Variants in AATF observed in about 807,000 individuals in gnomAD.
AATF encodes the protein apoptosis antagonizing transcription factor.
A neutral mutation model predicts 63.7 loss-of-function variants in AATF; 48 were observed. The ratio of observed to expected loss-of-function variants is 0.75; its 90% CI spans 0.60 to 0.96. The LOEUF is 0.96. Among genes scored for constraint, AATF ranks in the 40% least tolerant of loss-of-function variants. AATF has a pLI of 0.00. For missense variants in AATF, 639 were observed against 685.7 expected, an observed-to-expected ratio of 0.93 and a Z score of 0.76; for synonymous variants, 258 against 247.7, an observed-to-expected ratio of 1.04 and a Z score of -0.39.
intron 8 of AATF, among the ~76,000 whole-genome samples, chr17:36,994,872 C>G (rs569564671): frequency 4.9e-4 from 74 of 152,048 alleles, no homozygotes; most frequent in Non-Finnish European, 9.1e-4. Flanking sequence ...CGTGCCAGTC[C>G]CTGGACTAAG....
chr17:36,988,651 A>G lies in AATF; in HGVS notation c.1080A>G (p.Thr360=). The change falls in exon 6 of 12, where the codon ACA becomes ACG. Residue 360 remains threonine (T), a synonymous_variant. Coordinates refer to ENST00000619387, the MANE Select transcript of AATF (RefSeq NM_012138.4). ...TGGCAAAGCGCTTTGCCGACTTTAC[A>G]GTCTACAGGAACCGCACACTTCAGA... is the stretch of plus-strand genomic sequence containing the variant. ...SFMAKRFADF[T]VYRNRTLQKW... 5.0e-6 allele frequency: 8 copies of G among 1,614,176 alleles called. No individual in the cohort carries two copies. The highest frequency in any genetic ancestry group is 2.2e-5 in the South Asian group (2 of 91,084).
intron 10 of AATF, among the ~76,000 whole-genome samples, chr17:37,029,124 G>A (rs535191249): frequency 8.5e-5 from 13 of 152,072 alleles, no homozygotes; most frequent in African/African-American, 2.7e-4. Flanking sequence ...AGCCCAGACC[G>A]GAGGGCTCAC....
chr17:36,982,163 A>G (rs2071130402), intron 4 of AATF, among the ~76,000 whole-genome samples: 1 of 150,178 alleles, frequency 6.7e-6, no homozygotes, highest in East Asian at 1.9e-4. Flanking sequence ...ATGTTGCAGC[A>G]TGTCAGAATT....
chr17:37,047,841 C>T (rs966256154), intron 11 of AATF, among the ~76,000 whole-genome samples: 2 of 152,300 alleles, frequency 1.3e-5, no homozygotes, highest in Admixed American at 1.3e-4. Context: ...CACCTTGTGG[C>T]AGATTCGGGC....
chr17:37,050,243 A>G (rs2071736187), intron 11 of AATF, among the ~76,000 whole-genome samples: 1 of 152,182 alleles, frequency 6.6e-6, no homozygotes. Flanking sequence ...GTGTCTCCCC[A>G]AATGGAGTGG....
intron 4 of AATF, among the ~76,000 whole-genome samples, chr17:36,955,004 C>A (rs2070888055): frequency 6.6e-6 from 1 of 152,066 alleles, no homozygotes; most frequent in South Asian, 2.1e-4. Flanking sequence ...GTATCTATCT[C>A]TCTATATATA....
At chr17:37,003,876 G>T (rs1040829727) in intron 8 of AATF, among the ~76,000 whole-genome samples, 4 of 150,764 alleles carry the variant, frequency 2.7e-5, no homozygotes, top group Admixed American at 6.6e-5. Context: ...GCCAAGTTGG[G>T]CAGTTCACTG....
chr17:36,966,221 A>T (rs566635169), intron 4 of AATF, among the ~76,000 whole-genome samples: 122 of 151,696 alleles, frequency 8.0e-4, no homozygotes, highest in South Asian at 1.0e-3. Flanking sequence ...GATTTTTTTT[A>T]AAAAAATCAA....
intron 8 of AATF, among the ~76,000 whole-genome samples, chr17:36,991,807 A>T (rs2071217668): frequency 6.6e-6 from 1 of 151,860 alleles, no homozygotes; most frequent in South Asian, 2.1e-4. Flanking sequence ...GGAGGGTCTC[A>T]ATTTCCTGAC....
At chr17:36,992,753 C>T (rs1007352779) in intron 8 of AATF, among the ~76,000 whole-genome samples, 1 of 152,056 alleles carries the variant, frequency 6.6e-6, no homozygotes, top group African/African-American at 2.4e-5. Flanking sequence ...TAGCTTTTCC[C>T]CTTGCTGGTT....
At chr17:36,950,492 AGAG>A in intron 2 of AATF, 87 bp downstream of exon 2, 2 of 1,323,600 alleles carry the variant, frequency 1.5e-6, no homozygotes, top group South Asian at 2.8e-5. Context: ...GATCTTTGCA[AGAG>A]TAGTCTGCGG....
chr17:36,981,798 A>C (rs1039474547), intron 4 of AATF, among the ~76,000 whole-genome samples: 1 of 150,992 alleles, frequency 6.6e-6, no homozygotes, highest in East Asian at 1.9e-4. Context: ...TGGCCTCCCA[A>C]AGTGTTGGGT....
chr17:36,968,549 T>C (rs930434429), intron 4 of AATF, among the ~76,000 whole-genome samples: 1 of 152,094 alleles, frequency 6.6e-6, no homozygotes, highest in Non-Finnish European at 1.5e-5. Context: ...GCACTGGGAT[T>C]ATAGGCGTAA....
At chr17:36,970,352 A>G (rs2071029425) in intron 4 of AATF, among the ~76,000 whole-genome samples, 1 of 152,168 alleles carries the variant, frequency 6.6e-6, no homozygotes, top group African/African-American at 2.4e-5. Context: ...CCTGTCTCTC[A>G]TTCTTTGCCT....
intron 2 of AATF, among the ~76,000 whole-genome samples, chr17:36,950,823 A>G (rs1453391043): frequency 2.6e-5 from 4 of 152,298 alleles, no homozygotes; most frequent in South Asian, 2.1e-4. Context: ...TTAAGTTGCT[A>G]TACTCCTTAT....
At chr17:36,979,721 C>T (rs1382001687) in intron 4 of AATF, among the ~76,000 whole-genome samples, 1 of 152,156 alleles carries the variant, frequency 6.6e-6, no homozygotes, top group Non-Finnish European at 1.5e-5. Context: ...TCTTCCTGTT[C>T]TCGCTTCACG....
chr17:36,978,224 A>G (rs1300153740), intron 4 of AATF, among the ~76,000 whole-genome samples: 1 of 152,130 alleles, frequency 6.6e-6, no homozygotes, highest in Non-Finnish European at 1.5e-5. Flanking sequence ...CCTTATTTCA[A>G]CTTGTACTTA....
intron 4 of AATF, among the ~76,000 whole-genome samples, chr17:36,974,293 TA>T (rs1482992331): frequency 6.6e-6 from 1 of 152,200 alleles, no homozygotes; most frequent in Non-Finnish European, 1.5e-5. Flanking sequence ...AAATTATGAA[TA>T]TTTTTCCTTG....
chr17:37,002,949 A>G (rs79153249), intron 8 of AATF, among the ~76,000 whole-genome samples: 4,530 of 141,392 alleles, frequency 0.032, 262 homozygotes, highest in African/African-American at 0.11. Context: ...AGCTGATTCT[A>G]AAATTCATAT....
Sources: allele counts gnomAD v4.1 joint callset (sites outside exome capture counted in the v4.1 genomes callset), GRCh38; gene constraint gnomAD v4.1.1; transcripts MANE v1.5; gene names NCBI Gene and HGNC (gene_info 2026-07-23, HGNC 2026-07-21).